The following PTPRD variants were observed in gnomAD, a reference collection of about 807,000 sequenced individuals.
The protein encoded by PTPRD is receptor-type tyrosine-protein phosphatase delta.
Under a neutral mutation model 214.5 loss-of-function variants are expected in PTPRD, and 34 were observed. That is an observed-to-expected ratio of 0.16 (90% CI 0.12 to 0.21). PTPRD has a LOEUF of 0.21. Among genes scored for constraint, PTPRD ranks in the 10% least tolerant of loss-of-function variants. The pLI is 1.00. For synonymous variants in PTPRD, 1,128 were observed against 845.7 expected (o/e 1.33, Z -5.79); for missense variants, 2,545 against 2,398.7 (o/e 1.06, Z -1.27).
intron 2 of PTPRD, among the ~76,000 whole-genome samples, chr9:10,570,578 A>T (rs2067115204): frequency 6.6e-6 from 1 of 152,112 alleles, no homozygotes; most frequent in Non-Finnish European, 1.5e-5. Flanking sequence ...ATACACACAC[A>T]CACACACATT....
At chr9:9,980,866 T>TAA (rs71321206) in intron 4 of PTPRD, among the ~76,000 whole-genome samples, 112,702 of 151,568 alleles carry the variant, frequency 0.74, 42,627 homozygotes, top group Middle Eastern at 0.86. Context: ...TTGTTTGCAA[T>TAA]AAAAAATGCT....
intron 9 of PTPRD, among the ~76,000 whole-genome samples, chr9:9,240,458 G>A (rs991657527): frequency 7.9e-5 from 12 of 152,148 alleles, no homozygotes; most frequent in African/African-American, 2.9e-4. Flanking sequence ...AGATCATGAG[G>A]TCAGGAGTTC....
intron 3 of PTPRD, among the ~76,000 whole-genome samples, chr9:10,308,333 T>TA (rs1429376931): frequency 6.6e-6 from 1 of 152,076 alleles, no homozygotes; most frequent in Non-Finnish European, 1.5e-5. Context: ...ATTTTCCTAA[T>TA]ATATATTCTC....
intron 9 of PTPRD, among the ~76,000 whole-genome samples, chr9:9,226,727 C>T (rs767173383): frequency 6.6e-6 from 1 of 152,006 alleles, no homozygotes; most frequent in Non-Finnish European, 1.5e-5. Context: ...CTATGCAGAA[C>T]ATTTAAACTA....
chr9:9,832,306 G>T (rs1237820540), intron 5 of PTPRD, among the ~76,000 whole-genome samples: 2 of 151,944 alleles, frequency 1.3e-5, no homozygotes, highest in Non-Finnish European at 2.9e-5. Flanking sequence ...AGGCAACACA[G>T]CCTGCTAAGA....
intron 5 of PTPRD, among the ~76,000 whole-genome samples, chr9:9,823,902 T>C (rs920225662): frequency 6.6e-6 from 1 of 152,090 alleles, no homozygotes; most frequent in African/African-American, 2.4e-5. Context: ...CAATAAATGT[T>C]TGAGATAATG....
intron 36 of PTPRD, among the ~76,000 whole-genome samples, chr9:8,402,503 G>A (rs529803105): frequency 1.7e-4 from 26 of 152,152 alleles, no homozygotes; most frequent in Non-Finnish European, 3.7e-4. Context: ...CTACAATAGA[G>A]CAGAGGCAGA....
intron 35 of PTPRD, among the ~76,000 whole-genome samples, chr9:8,435,533 T>G (rs2132454738): frequency 6.6e-6 from 1 of 152,276 alleles, no homozygotes. Flanking sequence ...TCTACAAGAT[T>G]TTAGTTGTAC....
intron 9 of PTPRD, among the ~76,000 whole-genome samples, chr9:9,325,374 G>C (rs1361909203): frequency 1.3e-5 from 2 of 152,058 alleles, no homozygotes; most frequent in Non-Finnish European, 2.9e-5. Flanking sequence ...TCATTGAGCA[G>C]TGGTTTGTAG....
At chr9:8,950,565 T>C (rs1372185921) in intron 11 of PTPRD, among the ~76,000 whole-genome samples, 23 of 152,116 alleles carry the variant, frequency 1.5e-4, no homozygotes, top group Admixed American at 1.4e-3. Context: ...CTCTCTGTAA[T>C]GAAAACATAT....
intron 44 of PTPRD, among the ~76,000 whole-genome samples, chr9:8,330,646 TTAAACCTCAGC>T (rs1839427525): frequency 6.6e-6 from 1 of 152,244 alleles, no homozygotes; most frequent in African/African-American, 2.4e-5. Flanking sequence ...AGAAGGGACT[TTAAACCTCAGC>T]TAAGATAACT....
intron 7 of PTPRD, among the ~76,000 whole-genome samples, chr9:9,595,533 T>G (rs1182149039): frequency 1.6e-5 from 2 of 126,862 alleles, no homozygotes; most frequent in Admixed American, 8.8e-5. Context: ...TACACACGTA[T>G]GCATATGTAT....
chr9:8,517,592 C>T (rs921995589), intron 21 of PTPRD, among the ~76,000 whole-genome samples: 1 of 152,176 alleles, frequency 6.6e-6, no homozygotes, highest in African/African-American at 2.4e-5. Context: ...TGTTCTATCT[C>T]ACATAGAGAA....
At chr9:9,576,097 A>G (rs973143814) in intron 7 of PTPRD, among the ~76,000 whole-genome samples, 4 of 152,154 alleles carry the variant, frequency 2.6e-5, no homozygotes, top group Admixed American at 1.3e-4. Flanking sequence ...TTTTATGTCA[A>G]TTCTTTAATT....
rs549704928 is a variant in PTPRD, at chr9:10,510,219, T to C, written c.-600+102179A>G. Among the ~76,000 whole-genome samples the C allele has an allele frequency of 2.0e-5, 3 of 152,226 alleles. No homozygotes were observed. In the East Asian group the frequency reaches 5.8e-4, roughly 29 times the overall value. On this transcript the variant is annotated intron_variant, in intron 2 of 45. Transcript: ENST00000381196. The stretch of plus-strand genomic sequence containing the variant: ...TTCCTTTCTTTCCCATACCACTCAG[T>C]ATGGGTCTATGATTCATTGTTAATA...
chr9:9,774,887 G>A (rs1026617561), intron 5 of PTPRD, among the ~76,000 whole-genome samples: 2 of 152,110 alleles, frequency 1.3e-5, no homozygotes, highest in African/African-American at 2.4e-5. Context: ...CCTCATAAAT[G>A]CCTGATCTTC....
chr9:9,262,593 G>A (rs1264858873), intron 9 of PTPRD, among the ~76,000 whole-genome samples: 1 of 151,070 alleles, frequency 6.6e-6, no homozygotes, highest in Non-Finnish European at 1.5e-5. Context: ...CAATATAAAT[G>A]AGTAAAAAAA....
intron 19 of PTPRD, among the ~76,000 whole-genome samples, chr9:8,522,994 G>A (rs2097920668): frequency 6.6e-6 from 1 of 152,124 alleles, no homozygotes; most frequent in Non-Finnish European, 1.5e-5. Flanking sequence ...ATGGGTGAAT[G>A]ACAGTCATAG....
At chr9:8,620,608 G>A (rs888838399) in intron 14 of PTPRD, among the ~76,000 whole-genome samples, 1 of 151,992 alleles carries the variant, frequency 6.6e-6, no homozygotes, top group Non-Finnish European at 1.5e-5. Context: ...TCCAGTTAAT[G>A]GCGGGGGGCA....
Sources: gnomAD v4.1 joint callset for allele counts (sites outside exome capture counted in the v4.1 genomes callset) on GRCh38, gnomAD v4.1.1 for gene constraint, MANE v1.5 for transcripts, NCBI Gene and HGNC (gene_info 2026-07-23, HGNC 2026-07-21) for gene names.